The following PCF11 variants were observed in gnomAD, a reference collection of about 807,000 sequenced individuals.
PCF11 encodes the protein pre-mRNA cleavage complex 2 protein Pcf11.
A neutral mutation model predicts 166.1 loss-of-function variants in PCF11; 19 were observed. The observed-to-expected ratio is 0.11, with a 90% CI of 0.08 to 0.17. The LOEUF (loss-of-function observed/expected upper bound fraction) is 0.17, where lower values mean the gene tolerates loss of function less well. PCF11 is among the 10% of genes least tolerant of loss of function. PCF11 has a pLI of 1.00. For missense variants in PCF11, 1,565 were observed against 1,855.5 expected, an observed-to-expected ratio of 0.84 and a Z score of 2.88; for synonymous variants, 663 against 644.1, an observed-to-expected ratio of 1.03 and a Z score of -0.44.
intron 7 of PCF11, 141 bp downstream of exon 7, chr11:83,168,039 TAAGGAAAGGG>T (rs1437546621): frequency 3.0e-6 from 2 of 670,738 alleles, no homozygotes; most frequent in African/African-American, 3.8e-5. Flanking sequence ...TTTTTCCCTT[TAAGGAAAGGG>T]AAGGGAAGGG....
chr11:83,164,084 T>G (rs930572784), intron 3 of PCF11, 123 bp from the exon 4 acceptor site: 29 of 672,406 alleles, frequency 4.3e-5, no homozygotes, highest in Non-Finnish European at 6.6e-5. Flanking sequence ...GGTTTTAAAT[T>G]TCTGATAAGT....
At chr11:83,166,357 C>G (rs1382891975) in exon 5 of PCF11, 2 of 1,613,812 alleles carry the variant, frequency 1.2e-6, no homozygotes, top group African/African-American at 1.3e-5. Flanking sequence ...TCACCCAAGT[C>G]TAGGTCACCA....
At chr11:83,168,517 A>T in exon 8 of PCF11, 1 of 1,614,082 alleles carries the variant, frequency 6.2e-7, no homozygotes, top group Non-Finnish European at 8.5e-7. Context: ...ATTTGTAGAT[A>T]GTCCAGCATC....
At chr11:83,183,138 T>A (rs956801547) in intron 15 of PCF11, 65 bp downstream of exon 15, 1 of 940,350 alleles carries the variant, frequency 1.1e-6, no homozygotes, top group Non-Finnish European at 1.6e-6. Context: ...TTTCAGTTTT[T>A]TTTTTGCATC....
exon 16 of PCF11, chr11:83,184,726 A>G (rs1417515967): frequency 6.2e-7 from 1 of 1,612,198 alleles, no homozygotes; most frequent in East Asian, 2.2e-5. Flanking sequence ...CACCAGTTGA[A>G]AACCCCTTGA....
intron 2 of PCF11, 54 bp downstream of exon 2, chr11:83,161,506 TTAAA>T (rs1247979824): frequency 7.3e-5 from 99 of 1,349,438 alleles, no homozygotes; most frequent in Non-Finnish European, 7.3e-5. Context: ...GTGTTCCTGA[TTAAA>T]TAAATATTTG....
chr11:83,174,219 T>G (rs989716723), intron 9 of PCF11, among the ~76,000 whole-genome samples: 3 of 152,224 alleles, frequency 2.0e-5, no homozygotes, highest in African/African-American at 4.8e-5. Flanking sequence ...TTAGCTTCTC[T>G]CAAGGTTCCT....
At chr11:83,177,295 G>T (rs185097637) in intron 10 of PCF11, 91 bp downstream of exon 10, 111 of 978,672 alleles carry the variant, frequency 1.1e-4, no homozygotes, top group Admixed American at 8.3e-4. Flanking sequence ...TATGATAAAG[G>T]TCCTTACAAT....
chr11:83,165,958 A>G, exon 5 of PCF11: 2 of 1,604,520 alleles, frequency 1.2e-6, no homozygotes. Flanking sequence ...AAAATAACCA[A>G]GAAAGAACTT....
In PCF11 at chr11:83,166,718, T is replaced by A. The variant is rs754207715; in HGVS notation, c.1817+4T>A. On this transcript the variant is annotated splice_donor_region_variant and intron_variant, in intron 5 of 15. Coordinates refer to ENST00000298281, the Ensembl canonical transcript of PCF11. ...CTGGTTGGGAAGAAAATAAAAGGTA[T>A]GATGTTAACATTTTAAGTCAAGTGT... 1.9e-6 allele frequency: 3 copies of A among 1,577,718 alleles called. No homozygotes were observed. Among genetic ancestry groups the A allele is most frequent in the East Asian group, 4.5e-5 (2 of 44,732 alleles).
intron 9 of PCF11, 123 bp downstream of exon 9, chr11:83,172,037 A>G (rs1041702174): frequency 1.6e-5 from 10 of 620,862 alleles, no homozygotes; most frequent in African/African-American, 1.3e-4. Context: ...GAGAAATTTA[A>G]TCTGGCTGAC....
At position 83,164,193 on chromosome 11, in the gene PCF11, G is replaced by T. The variant is rs542735804; in HGVS notation, c.508-14G>T. ...CTGATACGTTTTTCTTAAACAAATTGTCTTTTCTTATAGCCCGAGGAGCCT... is the reference window on the plus strand; with the variant it reads ...CTGATACGTTTTTCTTAAACAAATTTTCTTTTCTTATAGCCCGAGGAGCCT... On this transcript the variant is annotated splice_polypyrimidine_tract_variant and intron_variant, in intron 3 of 15. Coordinates refer to ENST00000298281, the Ensembl canonical transcript of PCF11. 311 of 1,579,328 alleles carry T rather than the reference G, an allele frequency of 2.0e-4. 1 individual carries two copies. The South Asian group carries it at 3.5e-3, about 18-fold the overall frequency.
At chr11:83,169,176 G>A (rs768472417) in exon 8 of PCF11, 1 of 1,613,076 alleles carries the variant, frequency 6.2e-7, no homozygotes, top group East Asian at 2.2e-5. Flanking sequence ...AGGGCCCTTT[G>A]CTACAGCAAG....
chr11:83,167,226 A>G lies in PCF11; in HGVS notation c.1919A>G (p.Gln640Arg). The change falls in exon 6 of 16, where the codon CAA (glutamine) becomes CGA (arginine). Residue 640 changes from glutamine to arginine, a missense_variant. Coordinates refer to ENST00000298281, the Ensembl canonical transcript of PCF11. The surrounding 1 kb of genome is among the most constrained non-coding windows in gnomAD (Gnocchi z 4.2). ...TTATCACCTCGAGCCCCAAAGCAGC[A>G]ACAGCATCGATTAAGTGTAGATGCC... is the stretch of plus-strand genomic sequence containing the variant. 6.2e-7 allele frequency: 1 copy of G among 1,613,886 alleles called. No individual in the cohort carries two copies. The highest frequency in any genetic ancestry group is 8.5e-7 in the Non-Finnish European group (1 of 1,179,762).
At chr11:83,170,303 T>G (rs1333498030) in intron 8 of PCF11, among the ~76,000 whole-genome samples, 7 of 152,190 alleles carry the variant, frequency 4.6e-5, no homozygotes, top group Non-Finnish European at 8.8e-5. Flanking sequence ...TACAATTGTG[T>G]GTCATAGACC....
chr11:83,161,056 C>T (rs1310462357), intron 1 of PCF11, among the ~76,000 whole-genome samples: 1 of 152,148 alleles, frequency 6.6e-6, no homozygotes, highest in Non-Finnish European at 1.5e-5. Flanking sequence ...GGTCTTTTTA[C>T]CACATGAACT....
At chr11:83,163,555 A>T (rs1335961389) in intron 2 of PCF11, 124 bp from the exon 3 acceptor site, 1 of 391,646 alleles carries the variant, frequency 2.6e-6, no homozygotes, top group African/African-American at 2.1e-5. Context: ...TTACTGTTGT[A>T]TATACTTACC....
chr11:83,172,140 A>G (rs1297160710), intron 9 of PCF11, among the ~76,000 whole-genome samples: 1 of 152,200 alleles, frequency 6.6e-6, no homozygotes, highest in African/African-American at 2.4e-5. Context: ...GGGGACTTGT[A>G]GTCCACTAAA....
exon 16 of PCF11, chr11:83,185,106 A>C (rs1861235410): frequency 2.3e-6 from 1 of 438,946 alleles, no homozygotes; most frequent in Admixed American, 4.5e-5. Context: ...AAAGTTCTGT[A>C]GATGTGTGCA....
Sources: gnomAD v4.1 joint callset for allele counts (sites outside exome capture counted in the v4.1 genomes callset) on GRCh38, gnomAD v4.1.1 for gene constraint, Gnocchi (gnomAD v3.1) non-coding constraint, MANE v1.5 for transcripts, NCBI Gene and HGNC (gene_info 2026-07-23, HGNC 2026-07-21) for gene names.